Variants in DMXL2 observed in about 807,000 individuals in gnomAD.
DMXL2 encodes the protein dmX-like protein 2.
A neutral mutation model predicts 331.1 loss-of-function variants in DMXL2; 103 were observed. That is an observed-to-expected ratio of 0.31 (90% CI 0.27 to 0.37). The LOEUF is 0.37. Ranked by LOEUF, DMXL2 falls within the 10% of genes least tolerant of loss-of-function variation. The probability of loss-of-function intolerance (pLI) is 1.00; values close to 1 mark genes in which losing one functional copy is unlikely to be tolerated. For synonymous variants in DMXL2, 1,281 were observed against 1,252.1 expected, an observed-to-expected ratio of 1.02 and a Z score of -0.49; for missense variants, 3,171 against 3,642.9, an observed-to-expected ratio of 0.87 and a Z score of 3.33.
intron 32 of DMXL2, among the ~76,000 whole-genome samples, chr15:51,464,257 T>C (rs1265997841): frequency 6.6e-6 from 1 of 151,978 alleles, no homozygotes; most frequent in Admixed American, 6.6e-5. Context: ...CAAAAAAAAT[T>C]AGCCGATGGC....
At chr15:51,585,533 T>C (rs940770329) in intron 1 of DMXL2, among the ~76,000 whole-genome samples, 5 of 152,204 alleles carry the variant, frequency 3.3e-5, no homozygotes, top group Admixed American at 2.6e-4. Context: ...TGAACATGTA[T>C]GTATAGATGA....
intron 15 of DMXL2, among the ~76,000 whole-genome samples, chr15:51,511,534 GAAAC>G (rs1235604482): frequency 6.6e-6 from 1 of 152,136 alleles, no homozygotes; most frequent in African/African-American, 2.4e-5. Flanking sequence ...AAAAAGTCAA[GAAAC>G]AACAGATGCT....
chr15:51,572,387 A>T (rs1011589709), intron 2 of DMXL2, among the ~76,000 whole-genome samples: 7 of 152,276 alleles, frequency 4.6e-5, no homozygotes, highest in African/African-American at 1.7e-4. Flanking sequence ...TCCTTCTGAA[A>T]CTATTCCAAA....
At chr15:51,450,524 A>C (rs1431079803) in intron 42 of DMXL2, 178 bp from the exon 43 acceptor site, 1 of 639,588 alleles carries the variant, frequency 1.6e-6, no homozygotes, top group East Asian at 2.8e-5. Flanking sequence ...AATGTTAAGC[A>C]ATGTCAGAAC....
intron 28 of DMXL2, 67 bp from the exon 29 acceptor site, chr15:51,471,468 C>T (rs2041104534): frequency 1.4e-6 from 2 of 1,438,070 alleles, no homozygotes; most frequent in African/African-American, 1.4e-5. Flanking sequence ...TAGAGTTAAG[C>T]TTTCTTTTTA....
chr15:51,486,766 T>C (rs2042423885), intron 22 of DMXL2, among the ~76,000 whole-genome samples: 1 of 152,192 alleles, frequency 6.6e-6, no homozygotes, highest in Non-Finnish European at 1.5e-5. Context: ...TATGTTCTAT[T>C]CATAGTCTCT....
rs958128858 is a variant in DMXL2 at position 51,622,606 on chromosome 15, C to T, written c.-61G>A. 6 of 1,505,574 alleles carry T rather than the reference C, an allele frequency of 4.0e-6. No homozygotes were observed. The Admixed American group carries it at 1.1e-4, about 27-fold the overall frequency. 93.3% of individuals were successfully genotyped at this position (1,505,574 alleles called of 1,614,324 possible). A position where few individuals can be genotyped will look rare whatever the true frequency, so the allele number is the denominator to read the frequency against. On this transcript the variant is annotated 5_prime_UTR_variant, in exon 1 of 44. Coordinates refer to ENST00000560891, the MANE Select transcript of DMXL2 (RefSeq NM_001378457.1). ...TGCGACAAGCTCCGCGCCTGACCCT[C>T]CTCGGGCTGCGAGAGCCGTTTCCCT...
At chr15:51,621,763 T>C (rs181717900) in intron 1 of DMXL2, among the ~76,000 whole-genome samples, 75 of 152,318 alleles carry the variant, frequency 4.9e-4, no homozygotes, top group African/African-American at 1.7e-3. Flanking sequence ...AAGGCTACCT[T>C]ACAGATTAAA....
intron 13 of DMXL2, among the ~76,000 whole-genome samples, chr15:51,529,689 C>T (rs138134179): frequency 2.8e-3 from 421 of 152,094 alleles, no homozygotes; most frequent in South Asian, 6.2e-3. Flanking sequence ...TAAAAAGGAA[C>T]GAATACCAAT....
At chr15:51,607,183 G>A (rs966658635) in intron 1 of DMXL2, among the ~76,000 whole-genome samples, 11 of 151,110 alleles carry the variant, frequency 7.3e-5, no homozygotes, top group South Asian at 6.3e-4. Flanking sequence ...AAGGCCGGGC[G>A]CGGTGGCTCA....
intron 9 of DMXL2, among the ~76,000 whole-genome samples, chr15:51,540,369 C>T (rs8042626): frequency 0.015 from 2,321 of 152,124 alleles, 50 homozygotes; most frequent in African/African-American, 0.052. Flanking sequence ...AGGCAAATTC[C>T]CTTTTTACTA....
intron 1 of DMXL2, among the ~76,000 whole-genome samples, chr15:51,593,272 C>A (rs1480951277): frequency 6.6e-6 from 1 of 152,098 alleles, no homozygotes; most frequent in Non-Finnish European, 1.5e-5. Context: ...ATCCTAGTCT[C>A]TGATAAAACA....
intron 26 of DMXL2, 53 bp from the exon 27 acceptor site, chr15:51,476,772 C>T (rs950098932): frequency 6.7e-7 from 1 of 1,483,644 alleles, no homozygotes; most frequent in Non-Finnish European, 9.0e-7. Flanking sequence ...TAAAAAATTG[C>T]ACTTTATGTA....
At chr15:51,547,834 A>G (rs1057439037) in intron 6 of DMXL2, among the ~76,000 whole-genome samples, 16 of 152,204 alleles carry the variant, frequency 1.1e-4, no homozygotes, top group Admixed American at 9.8e-4. Context: ...ACGAACATGA[A>G]TTGTTTCTTG....
chr15:51,480,536 T>A lies in DMXL2; in HGVS notation c.6564+6A>T. The A allele has an allele frequency of 6.7e-7, 1 of 1,493,540 alleles. No individual in the cohort carries two copies. The highest frequency in any genetic ancestry group is 8.9e-7 in the Non-Finnish European group (1 of 1,118,954). 92.5% of individuals were successfully genotyped at this position (1,493,540 alleles called of 1,614,324 possible). A position where few individuals can be genotyped will look rare whatever the true frequency, so the allele number is the denominator to read the frequency against. On this transcript the variant is annotated splice_donor_region_variant and intron_variant, in intron 24 of 43. Coordinates refer to ENST00000560891, the MANE Select transcript of DMXL2 (RefSeq NM_001378457.1). Reference sequence around the variant, plus strand: ...ACCAAGATTGAAAAAAAAGTGATATTCACACCTGTTGTGATTCTTGTAGCA... The same window carrying A: ...ACCAAGATTGAAAAAAAAGTGATATACACACCTGTTGTGATTCTTGTAGCA...
rs148108403 is a variant in DMXL2, at chr15:51,474,726, TAAAC to T, written c.6965-138_6965-135del. 7,619 of 972,654 alleles carry T rather than the reference TAAAC, an allele frequency of 7.8e-3. 239 individuals carry two copies. The highest frequency in any genetic ancestry group is 0.069 in the African/African-American group (4,154 of 60,364). The allele number at this position is 972,654 out of a possible 1,614,324, so 60.3% of individuals were successfully genotyped here. ...TATTTCCATAATTTGAGCAACAAAA[TAAAC>T]AAGATAGGAATGGATTATAGCCTAT... is the stretch of plus-strand genomic sequence containing the variant. On this transcript the variant is annotated intron_variant, in intron 27 of 43. Transcript: ENST00000560891.
At chr15:51,609,411 G>C (rs556110562) in intron 1 of DMXL2, among the ~76,000 whole-genome samples, 1 of 152,134 alleles carries the variant, frequency 6.6e-6, no homozygotes, top group South Asian at 2.1e-4. Flanking sequence ...ATTCTACAAC[G>C]GACCCGGTCT....
At chr15:51,478,400 G>T in intron 25 of DMXL2, 53 bp from the exon 26 acceptor site, 2 of 1,498,882 alleles carry the variant, frequency 1.3e-6, no homozygotes, top group Non-Finnish European at 1.8e-6. Flanking sequence ...CTACACAACA[G>T]TAATATTTCA....
intron 25 of DMXL2, among the ~76,000 whole-genome samples, chr15:51,478,652 C>T (rs1432989723): frequency 4.6e-5 from 7 of 151,998 alleles, no homozygotes; most frequent in Admixed American, 4.6e-4. Flanking sequence ...CCTACCCTAA[C>T]AATTAGCTTA....
Sources: allele counts gnomAD v4.1 joint callset (sites outside exome capture counted in the v4.1 genomes callset), GRCh38; gene constraint gnomAD v4.1.1; transcripts MANE v1.5; gene names NCBI Gene and HGNC (gene_info 2026-07-23, HGNC 2026-07-21).